The following KIF13A variants were observed in gnomAD, a reference collection of about 807,000 sequenced individuals.
KIF13A encodes the protein kinesin-like protein KIF13A.
A neutral mutation model predicts 212.2 loss-of-function variants in KIF13A; 79 were observed. The observed-to-expected ratio is 0.37, with a 90% CI of 0.31 to 0.45. The LOEUF is 0.45. KIF13A is among the 20% of genes least tolerant of loss of function. The pLI is 1.00. For synonymous variants in KIF13A, 789 were observed against 808.6 expected, an observed-to-expected ratio of 0.98 and a Z score of 0.41; for missense variants, 1,901 against 2,209.0, an observed-to-expected ratio of 0.86 and a Z score of 2.79.
At chr6:17,817,308 G>T in intron 16 of KIF13A, 75 bp from the exon 17 acceptor site, 2 of 1,311,288 alleles carry the variant, frequency 1.5e-6, no homozygotes, top group Non-Finnish European at 2.2e-6. Flanking sequence ...ACTGCAGCCT[G>T]TGGGAGGCTT....
At chr6:17,903,598 A>C (rs1325281653) in intron 2 of KIF13A, among the ~76,000 whole-genome samples, 1 of 152,196 alleles carries the variant, frequency 6.6e-6, no homozygotes, top group Non-Finnish European at 1.5e-5. Flanking sequence ...AAATGGCACA[A>C]GAACTCACAG....
At position 17,849,539 on chromosome 6, in the gene KIF13A, C is replaced by A. The variant is rs1767424311; in HGVS notation, c.718-50G>T. The A allele has an allele frequency of 2.3e-6, 3 of 1,286,906 alleles. No homozygotes were observed. The highest frequency in any genetic ancestry group is 3.3e-6 in the Non-Finnish European group (3 of 896,126). 79.7% of individuals were successfully genotyped at this position (1,286,906 alleles called of 1,614,324 possible). A position where few individuals can be genotyped will look rare whatever the true frequency, so the allele number is the denominator to read the frequency against. On this transcript the variant is annotated intron_variant, in intron 8 of 38. Coordinates refer to ENST00000259711, the MANE Select transcript of KIF13A (RefSeq NM_022113.6). The surrounding 1 kb of genome is among the most constrained non-coding windows in gnomAD (Gnocchi z 5.7). ...AAGAAAAACTTATCAATAAAAACCACATGGATATCTACATATATGTTAGCA... is the reference window on the plus strand; with the variant it reads ...AAGAAAAACTTATCAATAAAAACCAAATGGATATCTACATATATGTTAGCA...
At chr6:17,942,957 C>T (rs929071932) in intron 2 of KIF13A, among the ~76,000 whole-genome samples, 5 of 151,056 alleles carry the variant, frequency 3.3e-5, no homozygotes, top group Admixed American at 1.3e-4. Context: ...CCAGGCTGGC[C>T]GACAGAGTGA....
At chr6:17,896,595 T>C (rs78492390) in intron 3 of KIF13A, among the ~76,000 whole-genome samples, 6,574 of 152,234 alleles carry the variant, frequency 0.043, 336 homozygotes, top group African/African-American at 0.12. Flanking sequence ...TTGTTTAACA[T>C]TGTGATTCAG....
At chr6:17,885,447 C>G (rs1771458604) in intron 3 of KIF13A, among the ~76,000 whole-genome samples, 1 of 152,308 alleles carries the variant, frequency 6.6e-6, no homozygotes, top group East Asian at 1.9e-4. Flanking sequence ...TCTTGCATTA[C>G]AGTCGGCATG....
chr6:17,987,540 TG>T lies in KIF13A; in HGVS notation c.-78del, dbSNP rs2150659694. 1.0e-4 allele frequency: 82 copies of T among 789,022 alleles called. No homozygotes were observed. The highest frequency in any genetic ancestry group is 1.2e-4 in the Non-Finnish European group (79 of 641,770). The allele number at this position is 789,022 out of a possible 1,614,324, so 48.9% of individuals were successfully genotyped here. A position where few individuals can be genotyped will look rare whatever the true frequency, so the allele number is the denominator to read the frequency against. ...CCCTCACGCGCGGCGCCGCCGCCGC[TG>T]CAGCCGCGCGCCCCTCGAGCGCGGC... is the stretch of plus-strand genomic sequence containing the variant. On this transcript the variant is annotated 5_prime_UTR_variant, in exon 1 of 39. The change abolishes the stop of an existing upstream ORF in the 5' untranslated region. Transcript: ENST00000259711. The surrounding 1 kb of genome is among the most constrained non-coding windows in gnomAD (Gnocchi z 7.7).
At position 17,899,155 on chromosome 6, in the gene KIF13A, G is replaced by A. The variant is rs766092852; in HGVS notation, c.147-975C>T. Reference sequence around the variant, plus strand: ...GAAACAGTTTTCAAGGCAATAAAATGTCAGTTTGACTTGCTTTGTAAATAT... The same window carrying A: ...GAAACAGTTTTCAAGGCAATAAAATATCAGTTTGACTTGCTTTGTAAATAT... On this transcript the variant is annotated intron_variant, in intron 2 of 38. Coordinates refer to ENST00000259711, the MANE Select transcript of KIF13A (RefSeq NM_022113.6). This position sits in a 1 kb window ranked among gnomAD's most constrained non-coding sequence, Gnocchi z 5.2. 6.6e-6 allele frequency among the ~76,000 whole-genome samples: 1 copy of A among 152,182 alleles called. No homozygotes were observed. Among genetic ancestry groups the A allele is most frequent in the Admixed American group, 6.5e-5 (1 of 15,274 alleles).
intron 3 of KIF13A, among the ~76,000 whole-genome samples, chr6:17,879,726 C>A (rs1770888432): frequency 6.6e-6 from 1 of 152,190 alleles, no homozygotes; most frequent in South Asian, 2.1e-4. Context: ...ATGTCCTTGA[C>A]ATTTCCCTTG....
intron 2 of KIF13A, among the ~76,000 whole-genome samples, chr6:17,940,182 C>T (rs577148637): frequency 1.3e-5 from 2 of 151,480 alleles, no homozygotes; most frequent in South Asian, 2.1e-4. Context: ...CCTCCTCCTC[C>T]TTTTTCCTCC....
In KIF13A at chr6:17,899,716, G is replaced by A. The variant is rs190980880; in HGVS notation, c.147-1536C>T. 4.3e-3 allele frequency among the ~76,000 whole-genome samples: 659 copies of A among 152,200 alleles called. 1 individual carries two copies. Among genetic ancestry groups the A allele is most frequent in the Middle Eastern group, 6.8e-3 (2 of 294 alleles). On this transcript the variant is annotated intron_variant, in intron 2 of 38. Transcript: ENST00000259711. This position sits in a 1 kb window ranked among gnomAD's most constrained non-coding sequence, Gnocchi z 5.2. ...ATGGGAATGTGATTTTTGTCTTCAG[G>A]TTTTAGAGGGGAACTAGAATAACTG...
chr6:17,806,574 T>G (rs1185271761), intron 18 of KIF13A, among the ~76,000 whole-genome samples: 1 of 152,234 alleles, frequency 6.6e-6, no homozygotes, highest in African/African-American at 2.4e-5. Context: ...TCTTTTTTTC[T>G]GAGTCATAGA....
chr6:17,838,717 G>A lies in KIF13A; in HGVS notation c.831-1134C>T, dbSNP rs1766219547. 6.6e-6 allele frequency among the ~76,000 whole-genome samples: 1 copy of A among 152,222 alleles called. No homozygotes were observed. Among genetic ancestry groups the A allele is most frequent in the Admixed American group, 6.5e-5 (1 of 15,280 alleles). On this transcript the variant is annotated intron_variant, in intron 9 of 38. Coordinates refer to ENST00000259711, the MANE Select transcript of KIF13A (RefSeq NM_022113.6). The surrounding 1 kb of genome is among the most constrained non-coding windows in gnomAD (Gnocchi z 4.2). ...TGCATGTCCTTACTCATAAGTGGAA[G>A]CTAAATAACGTGTACTCATGGACAT...
chr6:17,777,834 AAT>A lies in KIF13A; in HGVS notation c.4093-482_4093-481del, dbSNP rs778588225. Among the ~76,000 whole-genome samples, 1 of 135,550 alleles carries A rather than the reference AAT, an allele frequency of 7.4e-6. No individual in the cohort carries two copies. Among genetic ancestry groups the A allele is most frequent in the African/African-American group, 2.5e-5 (1 of 40,024 alleles). 88.9% of individuals were successfully genotyped at this position (135,550 alleles called of 152,430 possible). Reference sequence around the variant, plus strand: ...ATTATTTGTTTAGCAATTTATCAAAAATATTTTTTTTAAGATAAATAAAACTG... The same window carrying A: ...ATTATTTGTTTAGCAATTTATCAAAAATTTTTTTTAAGATAAATAAAACTG... On this transcript the variant is annotated intron_variant, in intron 33 of 38. Transcript: ENST00000259711. The surrounding 1 kb of genome is among the most constrained non-coding windows in gnomAD (Gnocchi z 4.4).
chr6:17,782,071 G>A (rs1179652491), intron 29 of KIF13A, among the ~76,000 whole-genome samples: 1 of 151,898 alleles, frequency 6.6e-6, no homozygotes, highest in African/African-American at 2.4e-5. Context: ...CGAGCAGCTG[G>A]GACTACAGGT....
At position 17,828,070 on chromosome 6, in the gene KIF13A, T is replaced by C. The variant is rs1177694346; in HGVS notation, c.1532+170A>G. The stretch of plus-strand genomic sequence containing the variant: ...TGGAACTAGAACTCGCATACAAAAA[T>C]AGTCACTCCTTCACAGTAATCACTC... On this transcript the variant is annotated intron_variant, in intron 14 of 38. Coordinates refer to ENST00000259711, the MANE Select transcript of KIF13A (RefSeq NM_022113.6). This position sits in a 1 kb window ranked among gnomAD's most constrained non-coding sequence, Gnocchi z 4.3. Among the ~76,000 whole-genome samples, 5 of 152,126 alleles carry C rather than the reference T, an allele frequency of 3.3e-5. No individual in the cohort carries two copies. Among genetic ancestry groups the C allele is most frequent in the African/African-American group, 7.2e-5 (3 of 41,422 alleles).
At chr6:17,952,976 GAGA>G (rs1235305094) in intron 2 of KIF13A, among the ~76,000 whole-genome samples, 3 of 151,810 alleles carry the variant, frequency 2.0e-5, no homozygotes, top group East Asian at 3.9e-4. Context: ...AGAGGAAGAG[GAGA>G]AGAAGAGAGG....
intron 2 of KIF13A, among the ~76,000 whole-genome samples, chr6:17,941,330 A>G (rs1776941707): frequency 6.6e-6 from 1 of 152,202 alleles, no homozygotes; most frequent in Non-Finnish European, 1.5e-5. Context: ...TCAAAATCAA[A>G]GATCTCAACC....
chr6:17,799,870 A>C lies in KIF13A; in HGVS notation c.2616+82T>G. On this transcript the variant is annotated intron_variant, in intron 21 of 38. Coordinates refer to ENST00000259711, the MANE Select transcript of KIF13A (RefSeq NM_022113.6). The surrounding 1 kb of genome is among the most constrained non-coding windows in gnomAD (Gnocchi z 4.4). ...AATCCAACTTTTACTACCCTGGATG[A>C]AAAACTCTCATAAGATTTTTTGTAA... is the stretch of plus-strand genomic sequence containing the variant. The C allele has an allele frequency of 1.3e-6, 2 of 1,508,502 alleles. No homozygotes were observed. The highest frequency in any genetic ancestry group is 1.8e-6 in the Non-Finnish European group (2 of 1,109,568). The allele number at this position is 1,508,502 out of a possible 1,614,324, so 93.4% of individuals were successfully genotyped here.
intron 14 of KIF13A, among the ~76,000 whole-genome samples, chr6:17,827,122 C>T (rs1309447963): frequency 2.6e-5 from 4 of 151,854 alleles, no homozygotes; most frequent in Non-Finnish European, 5.9e-5. Flanking sequence ...GAGACATGGT[C>T]TTACTCTGGT....
Sources: gnomAD v4.1 joint callset for allele counts (sites outside exome capture counted in the v4.1 genomes callset) on GRCh38, gnomAD v4.1.1 for gene constraint, Gnocchi (gnomAD v3.1) non-coding constraint, MANE v1.5 for transcripts, NCBI Gene and HGNC (gene_info 2026-07-23, HGNC 2026-07-21) for gene names.